Variants in TTI1 observed in about 807,000 individuals in gnomAD.
TTI1 encodes the protein TELO2-interacting protein 1 homolog.
In TTI1, 52 loss-of-function variants were observed where a neutral mutation model predicts 85.4. That is an observed-to-expected ratio of 0.61 (90% CI 0.49 to 0.77). TTI1 has a LOEUF of 0.77. TTI1 is among the 30% of genes least tolerant of loss of function. TTI1 has a pLI of 0.00. For missense variants in TTI1, 1,173 were observed against 1,296.0 expected (o/e 0.91, Z 1.46); for synonymous variants, 512 against 503.9 (o/e 1.02, Z -0.22).
chr20:38,027,801 G>A (rs1378938933), intron 1 of TTI1, among the ~76,000 whole-genome samples: 1 of 152,084 alleles, frequency 6.6e-6, no homozygotes, highest in Non-Finnish European at 1.5e-5. Context: ...GCAGGTGCCT[G>A]TAATCCCAGC....
chr20:38,014,023 C>G, intron 1 of TTI1, 166 bp from the exon 2 acceptor site: 1 of 624,302 alleles, frequency 1.6e-6, no homozygotes, highest in Non-Finnish European at 2.7e-6. Context: ...GAGGGAAGTA[C>G]ATGTACAGTT....
chr20:38,006,311 C>T lies in TTI1; in HGVS notation c.2389G>A (p.Ala797Thr), dbSNP rs976687219. The change falls in exon 3 of 8, where the codon GCA becomes ACA. Residue 797 changes from alanine (A) to threonine (T), a missense_variant. Coordinates refer to ENST00000373447, the MANE Select transcript of TTI1 (RefSeq NM_001303457.2). ...GTGGTGGTGCTCTTCTCAAGAGCTG[C>T]TGGTCTTTGGTTCAAATGACTTCCC... ...EEGSHLNQRP[A>T]ALEKSTTTAE... is the part of the protein sequence containing the mutation. The T allele has an allele frequency of 1.2e-6, 2 of 1,614,188 alleles. No homozygotes were observed. The highest frequency in any genetic ancestry group is 3.3e-5 in the Admixed American group (2 of 60,024).
intron 1 of TTI1, among the ~76,000 whole-genome samples, chr20:38,022,017 C>T (rs1166511492): frequency 6.6e-6 from 1 of 152,136 alleles, no homozygotes; most frequent in Non-Finnish European, 1.5e-5. Flanking sequence ...CTGTGTTGAG[C>T]TGGGGTACTA....
chr20:38,020,323 A>AAAAAAAATATATATAT, intron 1 of TTI1, among the ~76,000 whole-genome samples: 4 of 50,386 alleles, frequency 7.9e-5, no homozygotes, highest in African/African-American at 2.7e-4. Context: ...AAAAAAAAAA[A>AAAAAAAATATATATAT]ATATATATAT....
At chr20:38,021,505 C>T (rs1197511184) in intron 1 of TTI1, among the ~76,000 whole-genome samples, 1 of 152,176 alleles carries the variant, frequency 6.6e-6, no homozygotes, top group Non-Finnish European at 1.5e-5. Context: ...GAAAGTTATA[C>T]TGGGATGAGG....
Position 38,020,323 on chromosome 20 carries a change from A to AAAAAAAAT in TTI1, c.-41-6467_-41-6466insATTTTTTT. On this transcript the variant is annotated intron_variant, in intron 1 of 7. Coordinates refer to ENST00000373447, the MANE Select transcript of TTI1 (RefSeq NM_001303457.2). ...GGCTACTCATATGAAAAAAAAAAAAAATATATATATATATATATATATATA... is the reference window on the plus strand; with the variant it reads ...GGCTACTCATATGAAAAAAAAAAAAAAAAAAAATATATATATATATATATATATATATA... Among the ~76,000 whole-genome samples the AAAAAAAAT allele has an allele frequency of 2.4e-3, 119 of 50,358 alleles. 4 individuals carry two copies. The highest frequency in any genetic ancestry group is 6.4e-3 in the African/African-American group (72 of 11,208). 33.0% of individuals were successfully genotyped at this position (50,358 alleles called of 152,430 possible). A position where few individuals can be genotyped will look rare whatever the true frequency, so the allele number is the denominator to read the frequency against.
At position 37,993,404 on chromosome 20, in the gene TTI1, T is replaced by C. The variant is rs1285773575; in HGVS notation, c.3086+2971A>G. ...CCTGCCACAAAGGCTATATTTAATATGGCAAATTAAAAAAGCAAACACTGG... is the reference window on the plus strand; with the variant it reads ...CCTGCCACAAAGGCTATATTTAATACGGCAAATTAAAAAAGCAAACACTGG... On this transcript the variant is annotated intron_variant, in intron 7 of 7. Transcript: ENST00000373447. Among the ~76,000 whole-genome samples the C allele has an allele frequency of 3.3e-5, 5 of 152,260 alleles. No individual in the cohort carries two copies. In the East Asian group the frequency reaches 5.8e-4, roughly 18 times the overall value.
intron 7 of TTI1, among the ~76,000 whole-genome samples, chr20:37,990,400 C>T (rs1027400338): frequency 2.6e-5 from 4 of 152,166 alleles, no homozygotes; most frequent in Non-Finnish European, 5.9e-5. Context: ...AACATACATG[C>T]TTTTTTCGGT....
rs144295940 is a variant in TTI1 at position 38,026,078 on chromosome 20, T to C, written c.-42+7326A>G. ...ACCCCAAAGAAATTTATCCCAAGACTCTTCATAATTTAATTTCTGAAAACT... is the reference window on the plus strand; with the variant it reads ...ACCCCAAAGAAATTTATCCCAAGACCCTTCATAATTTAATTTCTGAAAACT... On this transcript the variant is annotated intron_variant, in intron 1 of 7. Coordinates refer to ENST00000373447, the MANE Select transcript of TTI1 (RefSeq NM_001303457.2). Among the ~76,000 whole-genome samples, 226 of 152,272 alleles carry C rather than the reference T, an allele frequency of 1.5e-3. 1 individual carries two copies. Among genetic ancestry groups the C allele is most frequent in the Non-Finnish European group, 6.5e-4 (44 of 68,014 alleles).
At chr20:38,016,593 C>T (rs984337011) in intron 1 of TTI1, among the ~76,000 whole-genome samples, 4 of 152,184 alleles carry the variant, frequency 2.6e-5, no homozygotes, top group Admixed American at 2.6e-4. Flanking sequence ...CCTAGAATCT[C>T]TGTTTTCTTT....
At chr20:37,992,461 G>A (rs559578878) in intron 7 of TTI1, among the ~76,000 whole-genome samples, 1 of 152,122 alleles carries the variant, frequency 6.6e-6, no homozygotes, top group African/African-American at 2.4e-5. Context: ...ATGTTCAGTA[G>A]AGACAGGGTT....
In TTI1 at chr20:37,999,401, A is replaced by G. The variant is rs1415743521; in HGVS notation, c.2653-73T>C. On this transcript the variant is annotated intron_variant, in intron 4 of 7. Transcript: ENST00000373447. ...ACCTGGGATCAAGTCACCATTTTCA[A>G]AGAATAACATTTAGAAACGTATTAA... 7 of 1,322,850 alleles carry G rather than the reference A, an allele frequency of 5.3e-6. No individual in the cohort carries two copies. In the African/African-American group the frequency reaches 1.1e-4, roughly 20 times the overall value. 81.9% of individuals were successfully genotyped at this position (1,322,850 alleles called of 1,614,324 possible).
rs149450052 is a variant in TTI1, at chr20:37,983,569, C to G, written c.3157G>C (p.Val1053Leu). Residue 1053 changes from valine (V) to leucine (L), a missense_variant, in exon 8 of 8, where the codon GTG (valine) becomes CTG (leucine). By Grantham distance (32) the Val-to-Leu change is conservative. Transcript: ENST00000373447. ...WFLLNELYCP[V>L]QFTPPHPSLH... is the part of the protein sequence containing the mutation. ...CTGGGGTGGGGAGGTGTGAACTGCA[C>G]GGGGCAGTAAAGCTCGTTCAGGAGG... 6.2e-7 allele frequency: 1 copy of G among 1,601,464 alleles called. No homozygotes were observed. Among genetic ancestry groups the G allele is most frequent in the Non-Finnish European group, 8.5e-7 (1 of 1,174,668 alleles).
intron 5 of TTI1, among the ~76,000 whole-genome samples, chr20:37,997,203 G>C (rs1354219403): frequency 5.3e-5 from 8 of 151,502 alleles, no homozygotes; most frequent in African/African-American, 1.9e-4. Flanking sequence ...GGAATCTTGG[G>C]TTGGATGAAT....
At chr20:38,017,160 C>A (rs1315222167) in intron 1 of TTI1, among the ~76,000 whole-genome samples, 2 of 152,150 alleles carry the variant, frequency 1.3e-5, no homozygotes, top group Non-Finnish European at 2.9e-5. Flanking sequence ...GAGGGCAGGG[C>A]AATCCTATAC....
intron 1 of TTI1, among the ~76,000 whole-genome samples, chr20:38,030,072 T>C (rs994232850): frequency 6.6e-6 from 1 of 152,164 alleles, no homozygotes; most frequent in Non-Finnish European, 1.5e-5. Context: ...GCTTTACCCA[T>C]ATAAATTTGA....
chr20:38,030,776 C>G (rs376564802), intron 1 of TTI1, among the ~76,000 whole-genome samples: 1 of 152,304 alleles, frequency 6.6e-6, no homozygotes, highest in South Asian at 2.1e-4. Flanking sequence ...ATTTTTATCT[C>G]TAACCCAGAT....
At chr20:38,001,526 A>G (rs1165308067) in intron 4 of TTI1, among the ~76,000 whole-genome samples, 1 of 152,196 alleles carries the variant, frequency 6.6e-6, no homozygotes, top group African/African-American at 2.4e-5. Context: ...CGTGCAGGTA[A>G]AAAGGTAAGT....
intron 1 of TTI1, among the ~76,000 whole-genome samples, chr20:38,023,452 G>C (rs1348208818): frequency 6.6e-6 from 1 of 152,204 alleles, no homozygotes; most frequent in Non-Finnish European, 1.5e-5. Flanking sequence ...GGCCACTGAG[G>C]TGTGGGAACC....
Sources: gnomAD v4.1 joint callset for allele counts (sites outside exome capture counted in the v4.1 genomes callset) on GRCh38, gnomAD v4.1.1 for gene constraint, MANE v1.5 for transcripts, NCBI Gene and HGNC (gene_info 2026-07-23, HGNC 2026-07-21) for gene names.